Variants in CCDC171 observed in about 807,000 individuals in gnomAD.
CCDC171 encodes coiled-coil domain containing 171.
A neutral mutation model predicts 168.2 loss-of-function variants in CCDC171; 177 were observed. That is an observed-to-expected ratio of 1.05 (90% CI 0.93 to 1.19). CCDC171 has a LOEUF of 1.19. CCDC171 is among the 50% of genes most tolerant of loss of function. CCDC171 has a pLI of 0.00. For missense variants in CCDC171, 1,991 were observed against 1,539.0 expected (o/e 1.29, Z -4.91); for synonymous variants, 687 against 540.8 (o/e 1.27, Z -3.75).
intron 12 of CCDC171, among the ~76,000 whole-genome samples, chr9:15,722,092 T>G (rs2053522400): frequency 6.6e-6 from 1 of 152,226 alleles, no homozygotes. Flanking sequence ...CACTATTATT[T>G]TCAAAGTTAT....
At chr9:15,661,019 G>A (rs1420828984) in intron 8 of CCDC171, among the ~76,000 whole-genome samples, 5 of 152,130 alleles carry the variant, frequency 3.3e-5, no homozygotes, top group Non-Finnish European at 7.4e-5. Flanking sequence ...GGGGGCTCAC[G>A]CCTGTAATCC....
At chr9:15,602,647 CTTTTTTTTTTTTTT>C (rs1161286304) in intron 6 of CCDC171, among the ~76,000 whole-genome samples, 1 of 30,502 alleles carries the variant, frequency 3.3e-5, no homozygotes, top group Non-Finnish European at 5.9e-5. Flanking sequence ...TTTTTTTTTT[CTTTTTTTTTTTTTT>C]TTTTTTTTTT....
chr9:15,586,750 C>T (rs1563991443), intron 4 of CCDC171, among the ~76,000 whole-genome samples: 1 of 152,124 alleles, frequency 6.6e-6, no homozygotes. Flanking sequence ...CAGGAAGATT[C>T]TGAATGCTGA....
intron 8 of CCDC171, among the ~76,000 whole-genome samples, chr9:15,663,197 T>G (rs1408341457): frequency 6.6e-6 from 1 of 152,238 alleles, no homozygotes; most frequent in Non-Finnish European, 1.5e-5. Context: ...TTTGTTGGTT[T>G]GTTTGTTTTA....
At chr9:15,703,171 G>T (rs1442083219) in intron 11 of CCDC171, among the ~76,000 whole-genome samples, 1 of 152,198 alleles carries the variant, frequency 6.6e-6, no homozygotes, top group Non-Finnish European at 1.5e-5. Flanking sequence ...CTCCCAAAGT[G>T]CTGGGATTAC....
At chr9:16,007,595 G>T (rs1832743930) in intron 3 of CCDC171, among the ~76,000 whole-genome samples, 1 of 152,168 alleles carries the variant, frequency 6.6e-6, no homozygotes, top group African/African-American at 2.4e-5. Flanking sequence ...AATCCATCTT[G>T]AATTAATTTT....
chr9:16,035,424 A>ACACC (rs1191272623), intron 6 of CCDC171: 3 of 152,128 alleles, frequency 2.0e-5, no homozygotes, highest in African/African-American at 7.2e-5. Context: ...TCTTAATTTA[A>ACACC]CACCCGAGTT....
chr9:15,556,474 A>G (rs1315870211), intron 1 of CCDC171, among the ~76,000 whole-genome samples: 1 of 151,988 alleles, frequency 6.6e-6, no homozygotes, highest in African/African-American at 2.4e-5. Context: ...TTTGATTTGC[A>G]TTTCTCTGAT....
intron 21 of CCDC171, among the ~76,000 whole-genome samples, chr9:15,785,892 T>G (rs1282904913): frequency 6.6e-6 from 1 of 152,044 alleles, no homozygotes; most frequent in Non-Finnish European, 1.5e-5. Context: ...GATTTTGATT[T>G]TTTTTTTTGT....
At chr9:15,702,970 C>G (rs574235842) in intron 11 of CCDC171, among the ~76,000 whole-genome samples, 15 of 150,814 alleles carry the variant, frequency 9.9e-5, no homozygotes, top group African/African-American at 3.7e-4. Context: ...GTGGCGCGAT[C>G]TCTGCTCACT....
chr9:15,628,751 C>A (rs992322755), intron 7 of CCDC171, among the ~76,000 whole-genome samples: 2 of 152,192 alleles, frequency 1.3e-5, no homozygotes, highest in Admixed American at 6.5e-5. Flanking sequence ...GACCCCTGAA[C>A]CCTGAGCAGC....
chr9:15,580,651 A>G (rs1312676043), intron 4 of CCDC171, among the ~76,000 whole-genome samples: 1 of 152,224 alleles, frequency 6.6e-6, no homozygotes, highest in Admixed American at 6.5e-5. Flanking sequence ...ACTAATTATC[A>G]GGGACATGCA....
chr9:15,795,044 A>G (rs1564422262), intron 21 of CCDC171, among the ~76,000 whole-genome samples: 1 of 152,204 alleles, frequency 6.6e-6, no homozygotes, highest in Non-Finnish European at 1.5e-5. Flanking sequence ...CTATGACAAA[A>G]TAGCACAGAT....
chr9:15,968,575 C>G (rs1198266565), intron 25 of CCDC171, among the ~76,000 whole-genome samples: 1 of 122,242 alleles, frequency 8.2e-6, no homozygotes, highest in African/African-American at 3.1e-5. Context: ...GAGTCTTGCT[C>G]TGTTGCCCAG....
intron 25 of CCDC171, among the ~76,000 whole-genome samples, chr9:15,952,341 C>T (rs1176816247): frequency 1.3e-5 from 2 of 152,074 alleles, no homozygotes; most frequent in Non-Finnish European, 2.9e-5. Flanking sequence ...CTCCTTTTTT[C>T]AATCTTGTTT....
At chr9:15,675,620 C>T (rs1253292313) in intron 9 of CCDC171, among the ~76,000 whole-genome samples, 4 of 152,088 alleles carry the variant, frequency 2.6e-5, no homozygotes, top group Admixed American at 2.6e-4. Flanking sequence ...TTTATTTCTC[C>T]TTCACTTATG....
At chr9:15,801,245 C>T (rs1019315482) in intron 21 of CCDC171, among the ~76,000 whole-genome samples, 5 of 151,952 alleles carry the variant, frequency 3.3e-5, no homozygotes, top group Admixed American at 6.6e-5. Flanking sequence ...AATCCATGAA[C>T]ATGGAATATC....
At chr9:15,568,293 C>T (rs373113962) in intron 2 of CCDC171, among the ~76,000 whole-genome samples, 5 of 116,560 alleles carry the variant, frequency 4.3e-5, no homozygotes, top group African/African-American at 1.4e-4. Flanking sequence ...TTTTTTGAGG[C>T]GGAGTCTTGC....
chr9:16,021,384 C>A (rs1032535715), intron 4 of CCDC171, among the ~76,000 whole-genome samples: 6 of 152,164 alleles, frequency 3.9e-5, no homozygotes, highest in African/African-American at 1.4e-4. Flanking sequence ...CCATGCCTGG[C>A]CTCAATAAGA....
Sources: allele counts gnomAD v4.1 joint callset (sites outside exome capture counted in the v4.1 genomes callset), GRCh38; gene constraint gnomAD v4.1.1; transcripts MANE v1.5; gene names NCBI Gene and HGNC (gene_info 2026-07-23, HGNC 2026-07-21).